Variants in ANO4 observed in about 807,000 individuals in gnomAD.
ANO4 encodes anoctamin 4.
ANO4 carries 69 observed loss-of-function variants against 141.9 expected under a neutral mutation model. The observed-to-expected ratio is 0.49, with a 90% CI of 0.40 to 0.59. The LOEUF (loss-of-function observed/expected upper bound fraction) is 0.59. Among genes scored for constraint, ANO4 ranks in the 20% least tolerant of loss-of-function variants. The pLI is 0.00. For synonymous variants in ANO4, 350 were observed against 394.3 expected (o/e 0.89, Z 1.33); for missense variants, 894 against 1,162.2 (o/e 0.77, Z 3.36).
chr12:100,958,149 G>C (rs2043253290), intron 5 of ANO4, among the ~76,000 whole-genome samples: 1 of 152,214 alleles, frequency 6.6e-6, no homozygotes, highest in Non-Finnish European at 1.5e-5. Flanking sequence ...CCCCGACCAT[G>C]GTTAAACTGC....
chr12:101,003,272 T>TC (rs1390691812), intron 8 of ANO4, among the ~76,000 whole-genome samples: 1 of 152,238 alleles, frequency 6.6e-6, no homozygotes, highest in Admixed American at 6.5e-5. Flanking sequence ...GATTCCTTTA[T>TC]CATGGGATCT....
chr12:100,724,458 TAGAACTATTACTA>T (rs1171074246), intron 1 of ANO4, among the ~76,000 whole-genome samples: 4 of 152,222 alleles, frequency 2.6e-5, no homozygotes, highest in Non-Finnish European at 4.4e-5. Flanking sequence ...AGAATACTAC[TAGAACTATTACTA>T]CTTCAACTAG....
Position 100,974,937 on chromosome 12 carries a change from G to A in ANO4, c.602+48G>A, listed in dbSNP as rs774199585. ...ACAGTGTTTGTCTTTCTGTTGGCCC[G>A]TGTGCTCCAACAATGACAAGGAGCT... On this transcript the variant is annotated intron_variant, in intron 7 of 27. Transcript: ENST00000392977. The A allele has an allele frequency of 6.6e-5, 105 of 1,595,180 alleles. 1 individual carries two copies. The highest frequency in any genetic ancestry group is 7.9e-5 in the Non-Finnish European group (92 of 1,162,974).
intron 15 of ANO4, among the ~76,000 whole-genome samples, chr12:101,079,962 G>A (rs192012126): frequency 2.0e-5 from 3 of 152,144 alleles, no homozygotes; most frequent in Non-Finnish European, 2.9e-5. Flanking sequence ...TGGTCACCAC[G>A]GTCCCCTCTT....
At chr12:101,104,633 ATAT>A in intron 22 of ANO4, among the ~76,000 whole-genome samples, 1 of 49,574 alleles carries the variant, frequency 2.0e-5, no homozygotes, top group African/African-American at 2.1e-4. Context: ...GTGTGTATAT[ATAT>A]ATATATATAT....
chr12:100,999,820 A>C (rs533406159), intron 8 of ANO4, among the ~76,000 whole-genome samples: 78 of 151,992 alleles, frequency 5.1e-4, no homozygotes, highest in African/African-American at 1.6e-3. Flanking sequence ...CAATGCAGGC[A>C]GATTGCTTGC....
intron 1 of ANO4, among the ~76,000 whole-genome samples, chr12:100,900,472 C>A (rs986770892): frequency 1.4e-5 from 2 of 140,560 alleles, no homozygotes; most frequent in Non-Finnish European, 3.1e-5. Flanking sequence ...CCATGACAGG[C>A]CCCAGTGTGT....
chr12:100,945,708 T>G (rs952319611), intron 5 of ANO4, among the ~76,000 whole-genome samples: 1 of 152,194 alleles, frequency 6.6e-6, no homozygotes. Flanking sequence ...TGAGTAACAG[T>G]TGTACTAATG....
intron 8 of ANO4, among the ~76,000 whole-genome samples, chr12:101,000,588 G>A (rs565713486): frequency 2.6e-4 from 39 of 152,124 alleles, no homozygotes; most frequent in African/African-American, 8.0e-4. Context: ...TTACTTATTC[G>A]GCATTAGGAT....
At chr12:100,850,962 T>A (rs1355653598) in intron 1 of ANO4, among the ~76,000 whole-genome samples, 6 of 152,208 alleles carry the variant, frequency 3.9e-5, no homozygotes, top group Non-Finnish European at 8.8e-5. Context: ...CATAACATAT[T>A]TAACCATTCT....
chr12:100,736,512 A>G (rs1302328951), intron 2 of ANO4, among the ~76,000 whole-genome samples: 2 of 152,236 alleles, frequency 1.3e-5, no homozygotes, highest in Admixed American at 6.5e-5. Flanking sequence ...GTTACCTGAC[A>G]TCTTGCAGAC....
chr12:100,933,892 A>T (rs898009923), intron 3 of ANO4, among the ~76,000 whole-genome samples: 1 of 152,144 alleles, frequency 6.6e-6, no homozygotes, highest in African/African-American at 2.4e-5. Context: ...GGCTGCCTAG[A>T]TGTCTTCTTT....
chr12:100,749,993 T>TTCAATAA (rs2032299894), intron 3 of ANO4, among the ~76,000 whole-genome samples: 1 of 152,234 alleles, frequency 6.6e-6, no homozygotes, highest in South Asian at 2.1e-4. Flanking sequence ...AATATGATAC[T>TTCAATAA]GAAGCTTCAT....
chr12:100,717,995 ATC>A (rs2030691602), intron 1 of ANO4, among the ~76,000 whole-genome samples: 1 of 152,176 alleles, frequency 6.6e-6, no homozygotes, highest in Non-Finnish European at 1.5e-5. Flanking sequence ...AGATGAGAAC[ATC>A]TCTCTGACAG....
chr12:100,969,191 T>C (rs1421865972), intron 5 of ANO4, among the ~76,000 whole-genome samples: 2 of 152,210 alleles, frequency 1.3e-5, no homozygotes, highest in Non-Finnish European at 2.9e-5. Context: ...ATGGATTAGA[T>C]AAATATTGTG....
chr12:101,075,708 A>G (rs897334013), intron 14 of ANO4, among the ~76,000 whole-genome samples: 2 of 53,728 alleles, frequency 3.7e-5, no homozygotes, highest in African/African-American at 1.3e-4. Flanking sequence ...ATATCTTTAT[A>G]TAAAACAAAT....
chr12:101,127,057 A>G lies in ANO4; in HGVS notation c.2855A>G (p.Asn952Ser), dbSNP rs778381062. The change falls in exon 27 of 28, where the codon AAC (asparagine) becomes AGC (serine). Residue 952 changes from asparagine (N) to serine (S), a missense_variant. Asn to Ser is a conservative substitution (Grantham distance 46). Coordinates refer to ENST00000392977, the MANE Select transcript of ANO4 (RefSeq NM_001286615.2). ...ERKKNGKAHH[N>S]EWP ...AAGAAGAATGGAAAAGCACACCACAACGAGTGGCCGTGACCATGTAGGTGA... is the reference window on the plus strand; with the variant it reads ...AAGAAGAATGGAAAAGCACACCACAGCGAGTGGCCGTGACCATGTAGGTGA... 19 of 1,613,044 alleles carry G rather than the reference A, an allele frequency of 1.2e-5. No homozygotes were observed. In the Admixed American group the frequency reaches 2.8e-4, roughly 24 times the overall value.
At chr12:100,818,435 A>G (rs1261133421) in intron 1 of ANO4, among the ~76,000 whole-genome samples, 1 of 151,892 alleles carries the variant, frequency 6.6e-6, no homozygotes, top group African/African-American at 2.4e-5. Flanking sequence ...TTACCCTTCA[A>G]CTTTATTCAC....
At chr12:101,109,493 G>A (rs1035516690) in intron 22 of ANO4, among the ~76,000 whole-genome samples, 7 of 152,086 alleles carry the variant, frequency 4.6e-5, no homozygotes, top group Non-Finnish European at 7.4e-5. Context: ...CCCAGGAGGC[G>A]GAGGTTGCAG....
Sources: allele counts gnomAD v4.1 joint callset (sites outside exome capture counted in the v4.1 genomes callset), GRCh38; gene constraint gnomAD v4.1.1; transcripts MANE v1.5; gene names NCBI Gene and HGNC (gene_info 2026-07-23, HGNC 2026-07-21).